SERTAD1: variants seen among roughly 807,000 people sequenced by gnomAD.
The protein encoded by SERTAD1 is SERTA domain-containing protein 1.
Under a neutral mutation model 11.7 loss-of-function variants are expected in SERTAD1, and 5 were observed. The ratio of observed to expected loss-of-function variants is 0.43; its 90% CI spans 0.22 to 0.90. SERTAD1 has a LOEUF of 0.90. Among genes scored for constraint, SERTAD1 ranks in the 40% least tolerant of loss-of-function variants. SERTAD1 has a pLI of 0.27. For synonymous variants in SERTAD1, 139 were observed against 141.4 expected (o/e 0.98, Z 0.12); for missense variants, 287 against 313.9 (o/e 0.91, Z 0.65).
chr19:40,424,458 ATAT>A (rs376868490), intron 1 of SERTAD1, among the ~76,000 whole-genome samples: 11 of 152,138 alleles, frequency 7.2e-5, no homozygotes, highest in East Asian at 5.8e-4. Context: ...ATAAGTTATA[ATAT>A]TATAAATACT....
At chr19:40,425,151 C>A (rs1599673906) in intron 1 of SERTAD1, among the ~76,000 whole-genome samples, 1 of 152,008 alleles carries the variant, frequency 6.6e-6, no homozygotes, top group Admixed American at 6.6e-5. Flanking sequence ...CAGGGCTTGT[C>A]GGGAAATCGT....
chr19:40,423,104 G>A lies in SERTAD1; in HGVS notation c.443C>T (p.Ala148Val), dbSNP rs576772456. The change falls in exon 2 of 2, where the codon GCA becomes GTA. Residue 148 changes from alanine (A) to valine (V), a missense_variant. Physicochemically the swap from Ala to Val is moderately conservative, Grantham distance 64. Coordinates refer to ENST00000357949, the MANE Select transcript of SERTAD1 (RefSeq NM_013376.4). ...EGPPGRSIGG[A>V]APSLGALDLL... ...GTCCAAGGCACCCAGGCTGGGCGCTGCTCCCCCGATGCTACGGCCTGGTGG... is the reference window on the plus strand; with the variant it reads ...GTCCAAGGCACCCAGGCTGGGCGCTACTCCCCCGATGCTACGGCCTGGTGG... 6.3e-7 allele frequency: 1 copy of A among 1,597,028 alleles called. No individual in the cohort carries two copies. The highest frequency in any genetic ancestry group is 8.5e-7 in the Non-Finnish European group (1 of 1,172,436).
rs1424286560 is a variant in SERTAD1 at position 40,423,632 on chromosome 19, G to A, written c.1-86C>T. ...AAGCCTGGATCTGACAGTTGCTGCA[G>A]GTAGGATCTTGGGGAAGTCACTTAA... is the stretch of plus-strand genomic sequence containing the variant. On this transcript the variant is annotated intron_variant, in intron 1 of 1. Coordinates refer to ENST00000357949, the MANE Select transcript of SERTAD1 (RefSeq NM_013376.4). 7.8e-6 allele frequency: 7 copies of A among 892,438 alleles called. No individual in the cohort carries two copies. In the East Asian group the frequency reaches 1.5e-4, roughly 19 times the overall value. 55.3% of individuals were successfully genotyped at this position (892,438 alleles called of 1,614,324 possible). A position where few individuals can be genotyped will look rare whatever the true frequency, so the allele number is the denominator to read the frequency against.
Position 40,422,920 on chromosome 19 carries a change from C to T in SERTAD1, c.627G>A (p.Glu209=). The T allele has an allele frequency of 6.2e-7, 1 of 1,612,712 alleles. No individual in the cohort carries two copies. Among genetic ancestry groups the T allele is most frequent in the Non-Finnish European group, 8.5e-7 (1 of 1,179,438 alleles). Residue 209 remains glutamate (E), a synonymous_variant, in exon 2 of 2, where the codon GAG becomes GAA. Coordinates refer to ENST00000357949, the MANE Select transcript of SERTAD1 (RefSeq NM_013376.4). ...GGTAGTCCAATTCGGCCTCGTCCAG[C>T]TCCGGAGCTTCCTCCTTGCCCGGCC... ...EDGPGKEEAP[E]LDEAELDYLM... is the part of the protein sequence containing the mutation.
rs759690841 is a variant in SERTAD1 at position 40,422,957 on chromosome 19, C to G, written c.590G>C (p.Gly197Ala). The change falls in exon 2 of 2, where the codon GGC (glycine) becomes GCC (alanine). Residue 197 changes from glycine to alanine, a missense_variant. Physicochemically the swap from Gly to Ala is moderately conservative, Grantham distance 60 (BLOSUM62 0). Coordinates refer to ENST00000357949, the MANE Select transcript of SERTAD1 (RefSeq NM_013376.4). ...CTCCTTGCCCGGCCCATCCTCAGGGCCTGGTTTGAGGCCCTCAGAGGCTGG... is the reference window on the plus strand; with the variant it reads ...CTCCTTGCCCGGCCCATCCTCAGGGGCTGGTTTGAGGCCCTCAGAGGCTGG... ...WAPASEGLKP[G>A]PEDGPGKEEA... 8 of 1,606,464 alleles carry G rather than the reference C, an allele frequency of 5.0e-6. No individual in the cohort carries two copies. The highest frequency in any genetic ancestry group is 3.4e-5 in the Admixed American group (2 of 58,918).
At chr19:40,423,964 G>A (rs942633495) in intron 1 of SERTAD1, among the ~76,000 whole-genome samples, 10 of 152,196 alleles carry the variant, frequency 6.6e-5, no homozygotes, top group African/African-American at 2.4e-4. Context: ...TGGACCTCAA[G>A]TGATCCGCCC....
intron 1 of SERTAD1, among the ~76,000 whole-genome samples, chr19:40,424,767 G>A (rs1265093006): frequency 6.6e-6 from 1 of 152,236 alleles, no homozygotes; most frequent in African/African-American, 2.4e-5. Flanking sequence ...AAAGAGACCA[G>A]CATGGGTGGC....
In SERTAD1 at chr19:40,422,923, C is replaced by G. The variant is rs769674082; in HGVS notation, c.624G>C (p.Pro208=). The G allele has an allele frequency of 1.2e-6, 2 of 1,612,556 alleles. No individual in the cohort carries two copies. Among genetic ancestry groups the G allele is most frequent in the Non-Finnish European group, 1.7e-6 (2 of 1,179,370 alleles). The part of the protein sequence containing the change: ...PEDGPGKEEA[P]ELDEAELDYL... Reference sequence around the variant, plus strand: ...AGTCCAATTCGGCCTCGTCCAGCTCCGGAGCTTCCTCCTTGCCCGGCCCAT... The same window carrying G: ...AGTCCAATTCGGCCTCGTCCAGCTCGGGAGCTTCCTCCTTGCCCGGCCCAT... Residue 208 remains proline, a synonymous_variant, in exon 2 of 2, where the codon CCG becomes CCC. Transcript: ENST00000357949.
chr19:40,424,193 AT>A (rs57242578), intron 1 of SERTAD1, among the ~76,000 whole-genome samples: 17,678 of 148,492 alleles, frequency 0.12, 3,474 homozygotes, highest in African/African-American at 0.41. Context: ...TTTCCCTTTT[AT>A]TTTTTTGTAG....
Position 40,422,969 on chromosome 19 carries a change from C to A in SERTAD1, c.578G>T (p.Gly193Val), listed in dbSNP as rs1269577742. The part of the protein sequence containing the change: ...DNELWAPASE[G>V]LKPGPEDGPG... ...CCCATCCTCAGGGCCTGGTTTGAGG[C>A]CCTCAGAGGCTGGTGCCCAAAGTTC... The change falls in exon 2 of 2, where the codon GGC becomes GTC. Residue 193 changes from glycine to valine, a missense_variant. Transcript: ENST00000357949. The A allele has an allele frequency of 6.2e-7, 1 of 1,601,594 alleles. No homozygotes were observed. The highest frequency in any genetic ancestry group is 1.7e-5 in the Admixed American group (1 of 58,086).
In SERTAD1 at chr19:40,423,504, C is replaced by T. The variant is rs1219895485; in HGVS notation, c.43G>A (p.Glu15Lys). The change falls in exon 2 of 2, where the codon GAG (glutamate) becomes AAG (lysine). Residue 15 changes from glutamate to lysine, a missense_variant. By Grantham distance (56) the Glu-to-Lys change is moderately conservative. Transcript: ENST00000357949. ...GLKRKREEEE[E>K]KEPLAVDSWW... Reference sequence around the variant, plus strand: ...GAGTCGACTGCCAGAGGTTCCTTCTCCTCCTCCTCCTCCCGTTTCCGCTTC... The same window carrying T: ...GAGTCGACTGCCAGAGGTTCCTTCTTCTCCTCCTCCTCCCGTTTCCGCTTC... 1 of 1,582,782 alleles carries T rather than the reference C, an allele frequency of 6.3e-7. No individual in the cohort carries two copies. The highest frequency in any genetic ancestry group is 1.7e-5 in the Admixed American group (1 of 58,012).
Position 40,423,430 on chromosome 19 carries a change from G to T in SERTAD1, c.117C>A (p.Ala39=). 6.2e-7 allele frequency: 1 copy of T among 1,613,204 alleles called. No homozygotes were observed. Among genetic ancestry groups the T allele is most frequent in the Admixed American group, 1.7e-5 (1 of 60,024 alleles). ...GGTCAAAGAGGGAGCTAGAGGCCACGGCCGGGGGTGCCTGTGCCACCGCTG... is the reference window on the plus strand; with the variant it reads ...GGTCAAAGAGGGAGCTAGAGGCCACTGCCGGGGGTGCCTGTGCCACCGCTG... ...GHTAVAQAPP[A]VASSSLFDLS... is the part of the protein sequence containing the mutation. Residue 39 remains alanine, a synonymous_variant, in exon 2 of 2, where the codon GCC becomes GCA. Transcript: ENST00000357949.
intron 1 of SERTAD1, 59 bp downstream of exon 1, chr19:40,425,808 T>A (rs1314764819): frequency 6.6e-6 from 1 of 152,136 alleles, no homozygotes; most frequent in African/African-American, 2.4e-5. Context: ...GGGATCGAAC[T>A]CTGTGAAGGA....
chr19:40,425,374 C>T lies in SERTAD1; in HGVS notation c.-1+493G>A, dbSNP rs1370415371. On this transcript the variant is annotated intron_variant, in intron 1 of 1. Transcript: ENST00000357949. The stretch of plus-strand genomic sequence containing the variant: ...GGTCTTCGTCCCCTTCCCCGCAGTC[C>T]GGGGAGTCCGGAACCGCAGGAATTC... 3.9e-5 allele frequency among the ~76,000 whole-genome samples: 6 copies of T among 152,346 alleles called. No individual in the cohort carries two copies. In the Middle Eastern group the frequency reaches 0.01, roughly 259 times the overall value.
chr19:40,423,079 G>A lies in SERTAD1; in HGVS notation c.468C>T (p.Asp156=). ...GGAAPSLGAL[D]LLGPATGCLL... is the part of the protein sequence containing the mutation. ...GACAGCCAGTGGCTGGGCCCAGCAG[G>A]TCCAAGGCACCCAGGCTGGGCGCTG... The change falls in exon 2 of 2, where the codon GAC becomes GAT. Residue 156 remains aspartate, a synonymous_variant. Transcript: ENST00000357949. 6.3e-7 allele frequency: 1 copy of A among 1,587,020 alleles called. No homozygotes were observed. The highest frequency in any genetic ancestry group is 1.1e-5 in the South Asian group (1 of 87,548).
rs1006926950 is a variant in SERTAD1 at position 40,423,449 on chromosome 19, A to G, written c.98T>C (p.Val33Ala). The G allele has an allele frequency of 5.6e-6, 9 of 1,613,024 alleles. No homozygotes were observed. The highest frequency in any genetic ancestry group is 7.6e-6 in the Non-Finnish European group (9 of 1,180,032). ...SWWLDPGHTA[V>A]AQAPPAVASS... ...GGCCACGGCCGGGGGTGCCTGTGCC[A>G]CCGCTGTGTGGCCAGGATCTAGCCA... Residue 33 changes from valine (V) to alanine (A), a missense_variant, in exon 2 of 2, where the codon GTG (valine) becomes GCG (alanine). By Grantham distance (64) the Val-to-Ala change is moderately conservative. Transcript: ENST00000357949.
chr19:40,424,509 A>G (rs1268333696), intron 1 of SERTAD1, among the ~76,000 whole-genome samples: 1 of 152,204 alleles, frequency 6.6e-6, no homozygotes, highest in Non-Finnish European at 1.5e-5. Context: ...ATTGTCTACT[A>G]TGACTATGTT....
In SERTAD1 at chr19:40,423,376, C is replaced by G. The variant is rs1054362899; in HGVS notation, c.171G>C (p.Leu57=). 1 of 1,613,322 alleles carries G rather than the reference C, an allele frequency of 6.2e-7. No individual in the cohort carries two copies. Among genetic ancestry groups the G allele is most frequent in the African/African-American group, 1.3e-5 (1 of 74,952 alleles). The part of the protein sequence containing the change: ...DLSVLKLHHS[L]QQSEPDLRHL... ...GCCGCAGGTCCGGCTCACTCTGCTG[C>G]AGGCTGTGGTGGAGCTTGAGCACTG... Residue 57 remains leucine (L), a synonymous_variant, in exon 2 of 2, where the codon CTG becomes CTC. Transcript: ENST00000357949.
At position 40,423,213 on chromosome 19, in the gene SERTAD1, A is replaced by C. The variant is rs2079604792; in HGVS notation, c.334T>G (p.Ser112Ala). Residue 112 changes from serine to alanine, a missense_variant, in exon 2 of 2, where the codon TCA becomes GCA. Ser to Ala is a moderately conservative substitution (Grantham distance 99, BLOSUM62 1). Transcript: ENST00000357949. ...NLLASSDAAL[S>A]ASMASLLEDL... ...TCCAGGAGGCTGGCCATGGAGGCTGAAAGGGCAGCGTCCGAGCTTGCCAGT... is the reference window on the plus strand; with the variant it reads ...TCCAGGAGGCTGGCCATGGAGGCTGCAAGGGCAGCGTCCGAGCTTGCCAGT... The C allele has an allele frequency of 6.2e-7, 1 of 1,601,632 alleles. No individual in the cohort carries two copies. Among genetic ancestry groups the C allele is most frequent in the African/African-American group, 1.3e-5 (1 of 74,728 alleles).
Sources: gnomAD v4.1 joint callset for allele counts (sites outside exome capture counted in the v4.1 genomes callset) on GRCh38, gnomAD v4.1.1 for gene constraint, MANE v1.5 for transcripts, NCBI Gene and HGNC (gene_info 2026-07-23, HGNC 2026-07-21) for gene names.